The following CELF4 variants were observed in gnomAD, a reference collection of about 807,000 sequenced individuals.
The protein encoded by CELF4 is CUG-BP- and ETR-3-like factor 4.
CELF4 carries 18 observed loss-of-function variants against 59.9 expected under a neutral mutation model. The observed-to-expected ratio is 0.30, with a 90% confidence interval of 0.21 to 0.45. The LOEUF (loss-of-function observed/expected upper bound fraction) is 0.45, where lower values mean the gene tolerates loss of function less well. Ranked by LOEUF, CELF4 falls within the 20% of genes least tolerant of loss-of-function variation. The pLI is 1.00. For synonymous variants in CELF4, 261 were observed against 267.1 expected, an observed-to-expected ratio of 0.98 and a Z score of 0.22; for missense variants, 456 against 689.0, an observed-to-expected ratio of 0.66 and a Z score of 3.79.
intron 2 of CELF4, among the ~76,000 whole-genome samples, chr18:37,356,736 A>G (rs948069733): frequency 1.3e-5 from 2 of 152,236 alleles, no homozygotes; most frequent in African/African-American, 4.8e-5. Flanking sequence ...GGAAAGGCAC[A>G]TGGCATGCAG....
At chr18:37,381,129 T>A (rs969346414) in intron 2 of CELF4, among the ~76,000 whole-genome samples, 4 of 151,422 alleles carry the variant, frequency 2.6e-5, no homozygotes, top group African/African-American at 4.9e-5. Context: ...CATCCATCCA[T>A]CCATCCATCC....
chr18:37,335,358 A>G (rs2097729332), intron 2 of CELF4, among the ~76,000 whole-genome samples: 3 of 151,992 alleles, frequency 2.0e-5, no homozygotes, highest in Admixed American at 1.3e-4. Flanking sequence ...TCTGCACGTG[A>G]GTATGTGTGC....
intron 1 of CELF4, among the ~76,000 whole-genome samples, chr18:37,505,408 G>T (rs1267443709): frequency 6.6e-6 from 1 of 152,180 alleles, no homozygotes; most frequent in East Asian, 1.9e-4. Context: ...AAGCTGAAAG[G>T]GTCACATCCA....
rs562227983 is a variant in CELF4, at chr18:37,270,247, C to T, written c.1099+521G>A. ...TGGGCTGTCTGTGGTGCTGACCTGT[C>T]CATGGTGCTGATCACGCTTTGCGTG... On this transcript the variant is annotated intron_variant, in intron 8 of 12. Transcript: ENST00000420428. Among the ~76,000 whole-genome samples the T allele has an allele frequency of 7.5e-4, 114 of 152,340 alleles. 1 individual carries two copies. Among genetic ancestry groups the T allele is most frequent in the Admixed American group, 7.4e-3 (113 of 15,306 alleles).
chr18:37,356,529 G>A (rs1569567528), intron 2 of CELF4, among the ~76,000 whole-genome samples: 1 of 152,116 alleles, frequency 6.6e-6, no homozygotes. Context: ...CAGAGGTGCT[G>A]GGGAGGTTAG....
At chr18:37,546,572 G>A (rs1320422791) in intron 1 of CELF4, among the ~76,000 whole-genome samples, 1 of 152,218 alleles carries the variant, frequency 6.6e-6, no homozygotes, top group Non-Finnish European at 1.5e-5. Flanking sequence ...CAAGTCCCAG[G>A]ATAAGGGAGC....
In CELF4 at chr18:37,286,193, T is replaced by C. The variant is rs185924744; in HGVS notation, c.449-10950A>G. Among the ~76,000 whole-genome samples the C allele has an allele frequency of 2.4e-3, 370 of 152,224 alleles. 1 individual carries two copies. The highest frequency in any genetic ancestry group is 8.7e-3 in the African/African-American group (360 of 41,534). ...ACCAAGGAATGGTGTTAAAAGCTTC[T>C]CATTGACAGGGCAAAGAATCTACTC... On this transcript the variant is annotated intron_variant, in intron 3 of 12. Transcript: ENST00000420428.
intron 2 of CELF4, among the ~76,000 whole-genome samples, chr18:37,430,766 C>A (rs1268296206): frequency 6.6e-6 from 1 of 152,234 alleles, no homozygotes; most frequent in Admixed American, 6.5e-5. Context: ...CTGTCAGGCC[C>A]CCTCTAGTTG....
chr18:37,444,842 C>T (rs1210346334), intron 2 of CELF4, among the ~76,000 whole-genome samples: 1 of 152,136 alleles, frequency 6.6e-6, no homozygotes, highest in Admixed American at 6.5e-5. Context: ...TTCTGAGAGA[C>T]ACTAGGTATG....
At position 37,273,607 on chromosome 18, in the gene CELF4, A is replaced by G. The variant is rs980711775; in HGVS notation, c.802-444T>C. On this transcript the variant is annotated intron_variant, in intron 6 of 12. Coordinates refer to ENST00000420428, the MANE Select transcript of CELF4 (RefSeq NM_020180.4). ...GAAGTGACAGGAGAATTATGAATAG[A>G]ACCCCAGGCACCCCTAGTGTTGTCA... The G allele has an allele frequency of 3.0e-6, 3 of 990,178 alleles. No homozygotes were observed. The African/African-American group carries it at 5.2e-5, about 17-fold the overall frequency. The allele number at this position is 990,178 out of a possible 1,614,324, so 61.3% of individuals were successfully genotyped here.
At chr18:37,483,335 T>C (rs1440389305) in intron 2 of CELF4, among the ~76,000 whole-genome samples, 1 of 152,238 alleles carries the variant, frequency 6.6e-6, no homozygotes, top group Non-Finnish European at 1.5e-5. Flanking sequence ...AACTTCGAGC[T>C]GCAATCCGGT....
Position 37,274,319 on chromosome 18 carries a change from C to T in CELF4, c.793G>A (p.Ala265Thr). The T allele has an allele frequency of 6.2e-7, 1 of 1,612,598 alleles. No homozygotes were observed. The highest frequency in any genetic ancestry group is 8.5e-7 in the Non-Finnish European group (1 of 1,179,638). ...AIPFGAYGAYAQALMQQQAAL... is the reference protein window; with the variant it reads ...AIPFGAYGAYTQALMQQQAAL... ...TGCGCGCTGCCACTTACTGCCTGAG[C>T]GTAGGCGCCGTAGGCCCCGAAAGGG... Residue 265 changes from alanine to threonine, a missense_variant, in exon 6 of 13, where the codon GCT (alanine) becomes ACT (threonine). Physicochemically the swap from Ala to Thr is moderately conservative, Grantham distance 58. Around this residue, in one of 7 missense-constraint regions of CELF4, gnomAD observed 256 missense variants for 340.8 expected, o/e 0.75. Coordinates refer to ENST00000420428, the MANE Select transcript of CELF4 (RefSeq NM_020180.4).
chr18:37,311,565 G>A (rs547467960), intron 3 of CELF4, among the ~76,000 whole-genome samples: 8 of 152,138 alleles, frequency 5.3e-5, no homozygotes, highest in Non-Finnish European at 1.2e-4. Context: ...TGAGGCGGGT[G>A]GATCACGAGG....
chr18:37,555,921 C>T (rs954997725), intron 1 of CELF4, among the ~76,000 whole-genome samples: 1 of 152,046 alleles, frequency 6.6e-6, no homozygotes, highest in South Asian at 2.1e-4. Context: ...TGTATGTATG[C>T]GAGCGTGTTC....
chr18:37,491,878 G>A (rs1014969702), intron 1 of CELF4, among the ~76,000 whole-genome samples: 6 of 152,182 alleles, frequency 3.9e-5, no homozygotes, highest in Admixed American at 2.6e-4. Flanking sequence ...TTAATTGCAC[G>A]GAGATGGCAG....
chr18:37,425,003 C>A (rs1372068527), intron 2 of CELF4, among the ~76,000 whole-genome samples: 1 of 152,216 alleles, frequency 6.6e-6, no homozygotes, highest in African/African-American at 2.4e-5. Flanking sequence ...CACTGTGGTC[C>A]CCAAGGCAGG....
intron 1 of CELF4, among the ~76,000 whole-genome samples, chr18:37,561,908 T>A (rs1259223037): frequency 6.6e-6 from 1 of 152,244 alleles, no homozygotes; most frequent in East Asian, 1.9e-4. Flanking sequence ...AGTGCTCTAA[T>A]AGGGGAGAAA....
intron 2 of CELF4, among the ~76,000 whole-genome samples, chr18:37,395,107 T>G (rs1360349203): frequency 6.6e-6 from 1 of 152,156 alleles, no homozygotes; most frequent in Non-Finnish European, 1.5e-5. Context: ...CCACTATTTC[T>G]GTCTACATAT....
Position 37,401,042 on chromosome 18 carries a change from G to A in CELF4, c.370-79161C>T, listed in dbSNP as rs556252034. ...GGCTCTGAGAATAGAGTAGGTGTGGGGGTCCTTCCTTGGCTGCTTCTGCTG... is the reference window on the plus strand; with the variant it reads ...GGCTCTGAGAATAGAGTAGGTGTGGAGGTCCTTCCTTGGCTGCTTCTGCTG... On this transcript the variant is annotated intron_variant, in intron 2 of 12. Transcript: ENST00000420428. Among the ~76,000 whole-genome samples the A allele has an allele frequency of 2.6e-5, 4 of 152,260 alleles. No homozygotes were observed. In the South Asian group the frequency reaches 6.2e-4, roughly 24 times the overall value.
Sources: gnomAD v4.1 joint callset for allele counts (sites outside exome capture counted in the v4.1 genomes callset) on GRCh38, gnomAD v4.1.1 for gene constraint, gnomAD v4.1.1 regional missense constraint, MANE v1.5 for transcripts, NCBI Gene and HGNC (gene_info 2026-07-23, HGNC 2026-07-21) for gene names.